AFF4: variants seen among roughly 807,000 people sequenced by gnomAD.
AFF4 encodes the protein ALF transcription elongation factor 4, also known as AF4/FMR2 family member 4.
AFF4 carries 13 observed loss-of-function variants against 124.8 expected under a neutral mutation model. The observed-to-expected ratio is 0.10, with a 90% CI of 0.07 to 0.17. The LOEUF (loss-of-function observed/expected upper bound fraction) is 0.17, where lower values mean the gene tolerates loss of function less well. Among genes scored for constraint, AFF4 ranks in the 10% least tolerant of loss-of-function variants. The pLI, the probability that AFF4 is intolerant of heterozygous loss-of-function variation, is 1.00. For missense variants in AFF4, 1,092 were observed against 1,403.8 expected (o/e 0.78, Z 3.55); for synonymous variants, 477 against 496.1 (o/e 0.96, Z 0.51).
At chr5:132,960,869 G>A (rs1363759117) in intron 1 of AFF4, among the ~76,000 whole-genome samples, 1 of 152,026 alleles carries the variant, frequency 6.6e-6, no homozygotes, top group Admixed American at 6.6e-5. Context: ...ATCTGCAAGA[G>A]ACAGGGAAAA....
intron 6 of AFF4, 51 bp from the exon 7 acceptor site, chr5:132,902,538 T>A (rs1760578259): frequency 3.1e-6 from 4 of 1,309,618 alleles, no homozygotes; most frequent in Non-Finnish European, 4.4e-6. Flanking sequence ...ATTTAGACTG[T>A]AAAATGTCTA....
chr5:132,948,018 A>T (rs566144748), intron 1 of AFF4, among the ~76,000 whole-genome samples: 1 of 152,092 alleles, frequency 6.6e-6, no homozygotes, highest in Non-Finnish European at 1.5e-5. Flanking sequence ...TATTTCATAA[A>T]TCATTCTCAA....
chr5:132,957,019 C>CAAAAAAA (rs1180577709), intron 1 of AFF4, among the ~76,000 whole-genome samples: 17 of 40,806 alleles, frequency 4.2e-4, no homozygotes, highest in African/African-American at 5.6e-4. Flanking sequence ...GACTTCGTCT[C>CAAAAAAA]AAAAAAAAAA....
chr5:132,938,965 G>A (rs1387270867), intron 1 of AFF4, among the ~76,000 whole-genome samples: 5 of 109,850 alleles, frequency 4.6e-5, no homozygotes, highest in African/African-American at 1.0e-4. Flanking sequence ...AAAAAAAAAG[G>A]CAATTTAATG....
chr5:132,960,939 G>C (rs895512787), intron 1 of AFF4, among the ~76,000 whole-genome samples: 1 of 152,028 alleles, frequency 6.6e-6, no homozygotes, highest in East Asian at 1.9e-4. Context: ...CATCGCCTAG[G>C]TTGGCCGGGC....
intron 2 of AFF4, among the ~76,000 whole-genome samples, chr5:132,936,266 CA>C (rs747936348): frequency 2.4e-3 from 110 of 45,456 alleles, no homozygotes; most frequent in Middle Eastern, 0.014. Flanking sequence ...GACTCCGTCT[CA>C]AAAAAAAAAA....
chr5:132,959,263 C>A (rs1038229316), intron 1 of AFF4, among the ~76,000 whole-genome samples: 2 of 151,718 alleles, frequency 1.3e-5, no homozygotes, highest in Non-Finnish European at 2.9e-5. Flanking sequence ...GTAGCTGGGA[C>A]TACAGGCGCC....
intron 1 of AFF4, among the ~76,000 whole-genome samples, chr5:132,962,513 G>A (rs1762100806): frequency 6.6e-6 from 1 of 151,988 alleles, no homozygotes; most frequent in Non-Finnish European, 1.5e-5. Flanking sequence ...GTTTGTAAAC[G>A]AAAAGGCAAT....
At chr5:132,962,426 C>T (rs1464254832) in intron 1 of AFF4, among the ~76,000 whole-genome samples, 1 of 152,118 alleles carries the variant, frequency 6.6e-6, no homozygotes, top group Non-Finnish European at 1.5e-5. Flanking sequence ...CTACGAGAAC[C>T]CTAAATCGAA....
intron 7 of AFF4, among the ~76,000 whole-genome samples, chr5:132,901,625 C>T (rs1337768116): frequency 6.6e-6 from 1 of 152,128 alleles, no homozygotes; most frequent in African/African-American, 2.4e-5. Flanking sequence ...TATATTCCTG[C>T]TTCTACCAAC....
chr5:132,896,310 A>G lies in AFF4; in HGVS notation c.2307+13T>C. The G allele has an allele frequency of 2.6e-6, 4 of 1,561,228 alleles. No homozygotes were observed. Among genetic ancestry groups the G allele is most frequent in the South Asian group, 1.2e-5 (1 of 80,846 alleles). ...TGATGTTTCAAAACAAACAACAAAA[A>G]CCCTTCACAAACCTTATGCTTCCTC... On this transcript the variant is annotated intron_variant, in intron 11 of 20. Coordinates refer to ENST00000265343, the MANE Select transcript of AFF4 (RefSeq NM_014423.4).
Position 132,875,742 on chromosome 5 carries a change from A to G in AFF4, c.*5317T>C. On this transcript the variant is annotated 3_prime_UTR_variant, in exon 21 of 21. Coordinates refer to ENST00000265343, the MANE Select transcript of AFF4 (RefSeq NM_014423.4). ...TTAGAAATCCTAGCTTTTGAGCCCC[A>G]AAGTACCTCTGAAATTGTAATGTAT... 1 of 205,772 alleles carries G rather than the reference A, an allele frequency of 4.9e-6. No individual in the cohort carries two copies. Among genetic ancestry groups the G allele is most frequent in the East Asian group, 7.5e-5 (1 of 13,350 alleles). 12.7% of individuals were successfully genotyped at this position (205,772 alleles called of 1,614,324 possible).
chr5:132,906,888 C>T (rs1052345994), intron 5 of AFF4, among the ~76,000 whole-genome samples: 3 of 151,986 alleles, frequency 2.0e-5, no homozygotes, highest in African/African-American at 4.8e-5. Flanking sequence ...TAGCTTGAGG[C>T]CAGGAGTTCA....
At chr5:132,942,882 A>T in intron 1 of AFF4, 1 of 202,076 alleles carries the variant, frequency 4.9e-6, no homozygotes, top group Non-Finnish European at 1.1e-5. Context: ...GCTTGAGCTC[A>T]GGAGTTCAAG....
intron 2 of AFF4, among the ~76,000 whole-genome samples, chr5:132,935,460 T>C (rs1761402662): frequency 6.6e-6 from 1 of 152,056 alleles, no homozygotes; most frequent in South Asian, 2.1e-4. Flanking sequence ...AACCCATTTC[T>C]AGCAAAAATA....
intron 8 of AFF4, 76 bp from the exon 9 acceptor site, chr5:132,899,217 ACTCTT>A: frequency 7.1e-7 from 1 of 1,403,586 alleles, no homozygotes; most frequent in Admixed American, 1.9e-5. Flanking sequence ...TAATATCTGA[ACTCTT>A]AACAGAAAAA....
At position 132,925,494 on chromosome 5, in the gene AFF4, C is replaced by T. The variant is rs78654246; in HGVS notation, c.1050+1627G>A. Among the ~76,000 whole-genome samples the T allele has an allele frequency of 8.6e-3, 1,313 of 152,046 alleles. 26 individuals carry two copies. The highest frequency in any genetic ancestry group is 0.03 in the African/African-American group (1,261 of 41,526). On this transcript the variant is annotated intron_variant, in intron 5 of 20. Transcript: ENST00000265343. ...CTTTAGACAATAAAAAGACAAGAAT[C>T]TAACTGGTAGATAAATTTTCAGCAT...
At chr5:132,941,260 T>C (rs773027552) in intron 1 of AFF4, among the ~76,000 whole-genome samples, 6 of 152,186 alleles carry the variant, frequency 3.9e-5, no homozygotes, top group Non-Finnish European at 8.8e-5. Flanking sequence ...ATCTGAAGTA[T>C]ATCTTTGTCA....
At chr5:132,935,625 G>A (rs1478132477) in intron 2 of AFF4, among the ~76,000 whole-genome samples, 1 of 152,020 alleles carries the variant, frequency 6.6e-6, no homozygotes, top group African/African-American at 2.4e-5. Flanking sequence ...ACAAAAATAA[G>A]CTAGGCGTGG....
Sources: allele counts gnomAD v4.1 joint callset (sites outside exome capture counted in the v4.1 genomes callset), GRCh38; gene constraint gnomAD v4.1.1; transcripts MANE v1.5; gene names NCBI Gene and HGNC (gene_info 2026-07-23, HGNC 2026-07-21).